SAMSN1: variants seen among roughly 807,000 people sequenced by gnomAD.
SAMSN1 encodes the protein SAM domain, SH3 domain and nuclear localization signals 1, also known as SAM domain-containing protein SAMSN-1.
In SAMSN1, 31 loss-of-function variants were observed where a neutral mutation model predicts 42.0. That is an observed-to-expected ratio of 0.74 (90% CI 0.55 to 1.00). SAMSN1 has a LOEUF of 1.00. SAMSN1 is among the 50% of genes least tolerant of loss of function. The pLI is 0.00. For missense variants in SAMSN1, 464 were observed against 439.4 expected, an observed-to-expected ratio of 1.06 and a Z score of -0.50; for synonymous variants, 178 against 151.9, an observed-to-expected ratio of 1.17 and a Z score of -1.26.
At chr21:14,512,653 C>CAAG (rs3834672) in intron 3 of SAMSN1, 80 bp from the exon 4 acceptor site, 202,606 of 1,322,972 alleles carry the variant, frequency 0.15, 18,179 homozygotes, top group African/African-American at 0.34. Context: ...ATTTAATAGA[C>CAAG]ACATATTTTA....
chr21:14,511,725 C>T (rs535804143), intron 4 of SAMSN1, among the ~76,000 whole-genome samples: 20 of 152,312 alleles, frequency 1.3e-4, no homozygotes, highest in African/African-American at 4.8e-4. Context: ...CAATATCAAT[C>T]GTTTCATCCA....
At chr21:14,556,930 A>G (rs1354968817) in intron 2 of SAMSN1, among the ~76,000 whole-genome samples, 1 of 152,238 alleles carries the variant, frequency 6.6e-6, no homozygotes, top group East Asian at 1.9e-4. Context: ...TATCCAAGTT[A>G]ACATCTGTGC....
chr21:14,504,620 C>T (rs1019259695), intron 5 of SAMSN1, among the ~76,000 whole-genome samples: 2 of 152,120 alleles, frequency 1.3e-5, no homozygotes, highest in African/African-American at 4.8e-5. Context: ...AATGACCAAA[C>T]ATAAGAATAA....
At chr21:14,594,945 G>A (rs983594989) in intron 6 of SAMSN1, among the ~76,000 whole-genome samples, 2 of 152,116 alleles carry the variant, frequency 1.3e-5, no homozygotes, top group Non-Finnish European at 1.5e-5. Context: ...TCTGCTGTAG[G>A]GGAGGCCTCA....
intron 2 of SAMSN1, among the ~76,000 whole-genome samples, chr21:14,570,228 A>T (rs1435609148): frequency 6.6e-6 from 1 of 152,238 alleles, no homozygotes; most frequent in Non-Finnish European, 1.5e-5. Flanking sequence ...AGAATTTATG[A>T]GTTCATTTCA....
At chr21:14,507,587 A>G (rs1401273497) in intron 5 of SAMSN1, among the ~76,000 whole-genome samples, 2 of 152,250 alleles carry the variant, frequency 1.3e-5, no homozygotes, top group Non-Finnish European at 2.9e-5. Flanking sequence ...ATGCCCATGG[A>G]TAGGTAGAAT....
At position 14,498,496 on chromosome 21, in the gene SAMSN1, G is replaced by T; in HGVS notation, c.865C>A (p.Pro289Thr). 1.2e-6 allele frequency: 2 copies of T among 1,610,676 alleles called. No individual in the cohort carries two copies. The highest frequency in any genetic ancestry group is 1.1e-5 in the South Asian group (1 of 90,426). The change falls in exon 7 of 8, where the codon CCA becomes ACA. Residue 289 changes from proline to threonine, a missense_variant. Transcript: ENST00000400566. ...SHLIELNIEN[P>T]DDRRRLLSAA... ...GATAGTAACCTTCTTCTGTCATCTG[G>T]GTTTTCAATATTTAATTCAATGAGG...
intron 6 of SAMSN1, among the ~76,000 whole-genome samples, chr21:14,498,997 T>C (rs1987024156): frequency 6.6e-6 from 1 of 152,196 alleles, no homozygotes; most frequent in Non-Finnish European, 1.5e-5. Flanking sequence ...AGAATCTACA[T>C]CTCTTCTTGT....
chr21:14,541,352 G>A (rs893917678), intron 1 of SAMSN1, among the ~76,000 whole-genome samples: 1 of 151,840 alleles, frequency 6.6e-6, no homozygotes. Context: ...CATAGCTTGA[G>A]TGAGTATCCA....
At chr21:14,585,150 T>C (rs757539422), upstream of SAMSN1, among the ~76,000 whole-genome samples, 5 of 152,258 alleles carry the variant, frequency 3.3e-5, no homozygotes, top group Admixed American at 1.3e-4. Flanking sequence ...GGCCATGCTC[T>C]GCTCAACACA....
intron 1 of SAMSN1, among the ~76,000 whole-genome samples, chr21:14,538,309 T>A (rs1394854298): frequency 1.3e-5 from 2 of 152,122 alleles, no homozygotes; most frequent in Non-Finnish European, 2.9e-5. Flanking sequence ...GTACCCCAGA[T>A]GAAGAAGTAA....
At chr21:14,584,943 G>T (rs181764640), upstream of SAMSN1, among the ~76,000 whole-genome samples, 35 of 152,282 alleles carry the variant, frequency 2.3e-4, no homozygotes, top group Admixed American at 1.1e-3. Context: ...CTTTAAGAAT[G>T]ACTTTGCACA....
intron 5 of SAMSN1, among the ~76,000 whole-genome samples, chr21:14,508,211 C>T (rs1409654716): frequency 6.6e-6 from 1 of 152,146 alleles, no homozygotes. Context: ...ATTGCTGAGA[C>T]TTAATTAAAC....
intron 1 of SAMSN1, among the ~76,000 whole-genome samples, chr21:14,651,687 A>G (rs924039437): frequency 2.6e-5 from 4 of 152,030 alleles, no homozygotes; most frequent in African/African-American, 9.7e-5. Flanking sequence ...GAGAAATTAG[A>G]CAAGGAAAGA....
Position 14,498,610 on chromosome 21 carries a change from T to A in SAMSN1, c.769-18A>T, listed in dbSNP as rs1202263401. On this transcript the variant is annotated intron_variant, in intron 6 of 7. Coordinates refer to ENST00000400566, the MANE Select transcript of SAMSN1 (RefSeq NM_022136.5). ...GTGTATTCCTGTAAGACAAAAAATA[T>A]AAAGCAAATTAGTCAGATTCAAATA... The A allele has an allele frequency of 1.3e-6, 2 of 1,537,138 alleles. No individual in the cohort carries two copies. Among genetic ancestry groups the A allele is most frequent in the Non-Finnish European group, 1.7e-6 (2 of 1,147,498 alleles).
chr21:14,528,613 A>G (rs1019262109), intron 1 of SAMSN1, among the ~76,000 whole-genome samples: 2 of 152,206 alleles, frequency 1.3e-5, no homozygotes, highest in Non-Finnish European at 2.9e-5. Flanking sequence ...AAAATGTAAC[A>G]CACCACAAAT....
At chr21:14,596,622 C>T (rs917140569) in intron 6 of SAMSN1, among the ~76,000 whole-genome samples, 6 of 152,100 alleles carry the variant, frequency 3.9e-5, no homozygotes, top group African/African-American at 1.4e-4. Context: ...CTTAGATACT[C>T]ACTCTGGGGA....
chr21:14,616,126 G>A lies in SAMSN1; in HGVS notation c.157-110C>T, dbSNP rs114882440. On this transcript the variant is annotated intron_variant, in intron 2 of 15. Coordinates refer to the SAMSN1 transcript ENST00000647101. The stretch of plus-strand genomic sequence containing the variant: ...ATTCATTTTCTAGTATAATCCAAAC[G>A]TAGTTCCTTTTGTCTTTTCCCTAGT... The A allele has an allele frequency of 5.5e-3, 1,990 of 363,582 alleles. 43 individuals carry two copies. Among genetic ancestry groups the A allele is most frequent in the African/African-American group, 0.038 (1,810 of 47,712 alleles). 22.5% of individuals were successfully genotyped at this position (363,582 alleles called of 1,614,324 possible).
chr21:14,511,921 A>G (rs1340808241), intron 4 of SAMSN1, among the ~76,000 whole-genome samples: 2 of 152,226 alleles, frequency 1.3e-5, no homozygotes, highest in South Asian at 2.1e-4. Context: ...GTTAAGATCT[A>G]AAAAGTAAAT....
Sources: gnomAD v4.1 joint callset for allele counts (sites outside exome capture counted in the v4.1 genomes callset) on GRCh38, gnomAD v4.1.1 for gene constraint, MANE v1.5 for transcripts, NCBI Gene and HGNC (gene_info 2026-07-23, HGNC 2026-07-21) for gene names.